The following IMMP2L variants were observed in gnomAD, a reference collection of about 807,000 sequenced individuals.
IMMP2L encodes the protein mitochondrial inner membrane protease subunit 2.
Under a neutral mutation model 19.3 loss-of-function variants are expected in IMMP2L, and 18 were observed. That is an observed-to-expected ratio of 0.93 (90% CI 0.64 to 1.38). IMMP2L has a LOEUF of 1.38. Among genes scored for constraint, IMMP2L ranks in the 40% most tolerant of loss-of-function variants. The pLI, the probability that IMMP2L is intolerant of heterozygous loss-of-function variation, is 0.00. For missense variants in IMMP2L, 233 were observed against 218.2 expected, an observed-to-expected ratio of 1.07 and a Z score of -0.43; for synonymous variants, 76 against 73.0, an observed-to-expected ratio of 1.04 and a Z score of -0.21.
intron 3 of IMMP2L, among the ~76,000 whole-genome samples, chr7:111,353,488 A>G (rs1051066693): frequency 5.3e-5 from 8 of 152,190 alleles, no homozygotes; most frequent in African/African-American, 1.9e-4. Context: ...TAAAAACTCA[A>G]AACCCTTTTC....
intron 5 of IMMP2L, among the ~76,000 whole-genome samples, chr7:110,716,093 T>G (rs747420382): frequency 3.9e-5 from 6 of 151,904 alleles, no homozygotes; most frequent in African/African-American, 7.3e-5. Flanking sequence ...CTGCTTTTTT[T>G]TGTTTTCCAT....
chr7:111,533,211 G>T (rs1442962391), intron 1 of IMMP2L, among the ~76,000 whole-genome samples: 2 of 152,094 alleles, frequency 1.3e-5, no homozygotes, highest in East Asian at 1.9e-4. Flanking sequence ...AAAAGTCCAG[G>T]TATTATAACG....
chr7:110,773,794 T>G (rs1215328020), intron 5 of IMMP2L, among the ~76,000 whole-genome samples: 2 of 151,236 alleles, frequency 1.3e-5, no homozygotes, highest in Non-Finnish European at 2.9e-5. Context: ...GGAGGGCAAT[T>G]AGGCAAGTGC....
At chr7:111,440,756 G>A (rs1293997067) in intron 3 of IMMP2L, among the ~76,000 whole-genome samples, 1 of 151,856 alleles carries the variant, frequency 6.6e-6, no homozygotes, top group Non-Finnish European at 1.5e-5. Context: ...CCTCTCCTCT[G>A]TAGCTAGAGA....
intron 3 of IMMP2L, among the ~76,000 whole-genome samples, chr7:110,980,266 CG>C: frequency 7.9e-6 from 1 of 127,170 alleles, no homozygotes; most frequent in Non-Finnish European, 1.6e-5. Context: ...CTCGCTCTGT[CG>C]CCCAGGCTGG....
At chr7:111,325,282 A>T (rs1359278883) in intron 3 of IMMP2L, among the ~76,000 whole-genome samples, 1 of 151,764 alleles carries the variant, frequency 6.6e-6, no homozygotes, top group Non-Finnish European at 1.5e-5. Context: ...GAAAGTTCAA[A>T]AAGGTATATA....
chr7:110,905,733 C>T (rs554395903), intron 4 of IMMP2L, among the ~76,000 whole-genome samples: 1 of 152,202 alleles, frequency 6.6e-6, no homozygotes, highest in African/African-American at 2.4e-5. Flanking sequence ...GGTACCATAC[C>T]TCAACAATTA....
At chr7:111,037,937 G>A (rs1430521627) in intron 3 of IMMP2L, among the ~76,000 whole-genome samples, 3 of 152,062 alleles carry the variant, frequency 2.0e-5, no homozygotes, top group South Asian at 2.1e-4. Context: ...AAAAAGTTGC[G>A]GGGATATCTT....
intron 5 of IMMP2L, among the ~76,000 whole-genome samples, chr7:110,824,161 A>G (rs1803264671): frequency 6.6e-6 from 1 of 152,130 alleles, no homozygotes; most frequent in African/African-American, 2.4e-5. Flanking sequence ...TATCACCTAC[A>G]TTAATTTTTT....
At chr7:111,001,283 C>T (rs985117920) in intron 3 of IMMP2L, among the ~76,000 whole-genome samples, 2 of 152,170 alleles carry the variant, frequency 1.3e-5, no homozygotes, top group African/African-American at 4.8e-5. Flanking sequence ...TTACAAACAT[C>T]TTTCTTTAAG....
intron 3 of IMMP2L, among the ~76,000 whole-genome samples, chr7:111,105,576 G>T (rs932436825): frequency 6.6e-6 from 1 of 150,736 alleles, no homozygotes; most frequent in African/African-American, 2.5e-5. Context: ...TAGCTGGCTG[G>T]GGGGAAAACA....
chr7:110,677,642 G>T (rs1271956975), intron 5 of IMMP2L, among the ~76,000 whole-genome samples: 1 of 152,074 alleles, frequency 6.6e-6, no homozygotes, highest in Non-Finnish European at 1.5e-5. Context: ...AGGTGAATGA[G>T]GTATGTGAGC....
At chr7:111,217,300 C>A (rs985548130) in intron 3 of IMMP2L, among the ~76,000 whole-genome samples, 2 of 152,026 alleles carry the variant, frequency 1.3e-5, no homozygotes, top group Non-Finnish European at 2.9e-5. Flanking sequence ...GAAGGAGAAT[C>A]AATTCAAGAA....
chr7:111,464,835 C>T (rs1213945035), intron 3 of IMMP2L, among the ~76,000 whole-genome samples: 1 of 152,124 alleles, frequency 6.6e-6, no homozygotes, highest in Non-Finnish European at 1.5e-5. Flanking sequence ...GTCACCCAGG[C>T]TGGAGTGCAG....
At chr7:111,287,878 T>C (rs1406072103) in intron 3 of IMMP2L, among the ~76,000 whole-genome samples, 1 of 152,100 alleles carries the variant, frequency 6.6e-6, no homozygotes, top group Non-Finnish European at 1.5e-5. Context: ...AAAGAAATAT[T>C]GGAGTCTATA....
chr7:111,501,769 A>G (rs1844289440), intron 2 of IMMP2L, among the ~76,000 whole-genome samples: 1 of 152,174 alleles, frequency 6.6e-6, no homozygotes, highest in Admixed American at 6.5e-5. Flanking sequence ...AGAGATGCAC[A>G]TGCTGAGAGA....
At chr7:111,295,474 T>G (rs2129809638) in intron 3 of IMMP2L, among the ~76,000 whole-genome samples, 1 of 152,000 alleles carries the variant, frequency 6.6e-6, no homozygotes, top group South Asian at 2.1e-4. Context: ...AGTGCAGGTT[T>G]CCCTTTCCAC....
At chr7:111,441,929 T>G (rs1003807532) in intron 3 of IMMP2L, among the ~76,000 whole-genome samples, 2 of 151,576 alleles carry the variant, frequency 1.3e-5, no homozygotes, top group Non-Finnish European at 2.9e-5. Context: ...ACAAGGTCAG[T>G]AGATCGAGAC....
chr7:111,523,855 C>T (rs1402888687), intron 1 of IMMP2L, among the ~76,000 whole-genome samples: 1 of 152,098 alleles, frequency 6.6e-6, no homozygotes, highest in Admixed American at 6.6e-5. Context: ...AGTAAACCTG[C>T]TTGACATGTT....
Sources: gnomAD v4.1 joint callset for allele counts (sites outside exome capture counted in the v4.1 genomes callset) on GRCh38, gnomAD v4.1.1 for gene constraint, MANE v1.5 for transcripts, NCBI Gene and HGNC (gene_info 2026-07-23, HGNC 2026-07-21) for gene names.